Variants in ABTB2 observed in about 807,000 individuals in gnomAD.
ABTB2 encodes ankyrin repeat and BTB/POZ domain-containing protein 2.
A neutral mutation model predicts 104.1 loss-of-function variants in ABTB2; 56 were observed. The ratio of observed to expected loss-of-function variants is 0.54; its 90% CI spans 0.43 to 0.67. ABTB2 has a LOEUF of 0.67. ABTB2 is among the 30% of genes least tolerant of loss of function. The pLI is 0.00. For synonymous variants in ABTB2, 606 were observed against 608.2 expected (o/e 1.00, Z 0.05); for missense variants, 1,279 against 1,407.7 (o/e 0.91, Z 1.46).
At chr11:34,340,218 A>T (rs1855246362) in intron 1 of ABTB2, among the ~76,000 whole-genome samples, 1 of 152,198 alleles carries the variant, frequency 6.6e-6, no homozygotes, top group Non-Finnish European at 1.5e-5. Context: ...GACAGATAAG[A>T]CATTCTCAAG....
intron 2 of ABTB2, among the ~76,000 whole-genome samples, chr11:34,202,802 A>T (rs1392994318): frequency 2.0e-5 from 3 of 152,074 alleles, no homozygotes; most frequent in Non-Finnish European, 4.4e-5. Context: ...TTGTACCACC[A>T]CACTCCAGCC....
intron 1 of ABTB2, among the ~76,000 whole-genome samples, chr11:34,301,814 A>G (rs911395686): frequency 6.6e-6 from 1 of 152,180 alleles, no homozygotes; most frequent in Non-Finnish European, 1.5e-5. Flanking sequence ...GGATGAAACT[A>G]CATCTCTACA....
rs545699866 is a variant in ABTB2 at position 34,174,324 on chromosome 11, C to CAAAA, written c.1245-1021_1245-1018dup. Among the ~76,000 whole-genome samples the CAAAA allele has an allele frequency of 3.1e-4, 36 of 114,878 alleles. 1 individual carries two copies. Among genetic ancestry groups the CAAAA allele is most frequent in the African/African-American group, 1.2e-3 (35 of 29,702 alleles). The allele number at this position is 114,878 out of a possible 152,430, so 75.4% of individuals were successfully genotyped here. On this transcript the variant is annotated intron_variant, in intron 3 of 16. Coordinates refer to ENST00000435224, the MANE Select transcript of ABTB2 (RefSeq NM_145804.3). ...TGGGCGACAGGGCGAGACTCCGTCT[C>CAAAA]AAAAAAAAAAAAAAAAAAAAAAAAA... is the stretch of plus-strand genomic sequence containing the variant.
chr11:34,267,409 G>A (rs1203872085), intron 1 of ABTB2, among the ~76,000 whole-genome samples: 1 of 152,020 alleles, frequency 6.6e-6, no homozygotes, highest in Non-Finnish European at 1.5e-5. Context: ...CCATCCTGAC[G>A]GCATCACTCC....
At chr11:34,330,972 T>A (rs1247591744) in intron 1 of ABTB2, among the ~76,000 whole-genome samples, 1 of 152,204 alleles carries the variant, frequency 6.6e-6, no homozygotes, top group Admixed American at 6.5e-5. Context: ...ATCTGCCTCT[T>A]TATGAATGAG....
In ABTB2 at chr11:34,204,869, G is replaced by A. The variant is rs543838598; in HGVS notation, c.884-179C>T. Among the ~76,000 whole-genome samples, 204 of 152,286 alleles carry A rather than the reference G, an allele frequency of 1.3e-3. 1 individual carries two copies. The highest frequency in any genetic ancestry group is 4.8e-3 in the Admixed American group (74 of 15,300). On this transcript the variant is annotated intron_variant, in intron 1 of 16. Transcript: ENST00000435224. Reference sequence around the variant, plus strand: ...ACTTTGACTGTGGACGGTGCTATAGGGGCCAGAATGAGAAGTAGCTCACTC... The same window carrying A: ...ACTTTGACTGTGGACGGTGCTATAGAGGCCAGAATGAGAAGTAGCTCACTC...
intron 1 of ABTB2, among the ~76,000 whole-genome samples, chr11:34,292,826 G>A (rs4254051): frequency 0.31 from 47,652 of 151,972 alleles, 8,151 homozygotes; most frequent in African/African-American, 0.44. Context: ...CTGGGTGAAG[G>A]TAACAGCAGG....
chr11:34,297,777 A>AT (rs1437302416), intron 1 of ABTB2, among the ~76,000 whole-genome samples: 7 of 81,470 alleles, frequency 8.6e-5, no homozygotes, highest in South Asian at 8.8e-4. Context: ...AAAAAAAAAA[A>AT]AAAAAAATAA....
chr11:34,152,584 T>G lies in ABTB2; in HGVS notation c.2881A>C (p.Ile961Leu). 6.3e-7 allele frequency: 1 copy of G among 1,584,874 alleles called. No homozygotes were observed. The change falls in exon 17 of 17, where the codon ATC (isoleucine) becomes CTC (leucine). Residue 961 changes from isoleucine (I) to leucine (L), a missense_variant and splice_region_variant. Coordinates refer to ENST00000435224, the MANE Select transcript of ABTB2 (RefSeq NM_145804.3). ...SAVNTYKYAK[I>L]HNAPELALFC... The stretch of plus-strand genomic sequence containing the variant: ...AGGGCCAGTTCTGGGGCATTGTGGA[T>G]CTGTAGGGCAGAGAGAGGAGGGGTG...
In ABTB2 at chr11:34,353,269, CCACAGA is replaced by C. The variant is rs532958913; in HGVS notation, c.883+3426_883+3431del. 2.8e-4 allele frequency among the ~76,000 whole-genome samples: 43 copies of C among 152,132 alleles called. 1 individual carries two copies. In the South Asian group the frequency reaches 8.9e-3, roughly 32 times the overall value. ...AAATTGAGGAAGATTTTCTAAAATG[CCACAGA>C]CACTCACAAAAGCTTAGTAAGAAGA... On this transcript the variant is annotated intron_variant, in intron 1 of 16. Transcript: ENST00000435224.
chr11:34,165,270 G>A lies in ABTB2; in HGVS notation c.1842C>T (p.Ala614=). The A allele has an allele frequency of 6.4e-7, 1 of 1,554,962 alleles. No individual in the cohort carries two copies. The highest frequency in any genetic ancestry group is 8.7e-7 in the Non-Finnish European group (1 of 1,149,552). Residue 614 remains alanine, a synonymous_variant, in exon 8 of 17, where the codon GCC becomes GCT. Coordinates refer to ENST00000435224, the MANE Select transcript of ABTB2 (RefSeq NM_145804.3). ...DSYAETPLQL[A]SAAGNYELVS... ...GTAGCAGGTGCCTACCTGCCGCAGA[G>A]GCCAGCTGCAGGGGCGTCTCCGCAT...
intron 1 of ABTB2, among the ~76,000 whole-genome samples, chr11:34,249,040 A>AT (rs1418045264): frequency 1.3e-5 from 2 of 152,236 alleles, no homozygotes. Context: ...GAGGCAAGAG[A>AT]TTCGCTTGAA....
intron 1 of ABTB2, among the ~76,000 whole-genome samples, chr11:34,229,551 A>G (rs547877804): frequency 6.6e-6 from 1 of 152,262 alleles, no homozygotes; most frequent in South Asian, 2.1e-4. Context: ...CTGTGCTAGA[A>G]TGGGTTTCCT....
At position 34,160,995 on chromosome 11, in the gene ABTB2, G is replaced by C; in HGVS notation, c.2305C>G (p.Arg769Gly). ...SRYSVVQSLLRDFSSIREEEY... is the reference protein window; with the variant it reads ...SRYSVVQSLLGDFSSIREEEY... ...TCCTCTCTGATGGAGCTGAAGTCCC[G>C]CAGGAGGCTCTGCACCACCGAGTAC... The change falls in exon 11 of 17, where the codon CGG becomes GGG. Residue 769 changes from arginine (R) to glycine (G), a missense_variant. Arg to Gly is a moderately radical substitution (Grantham distance 125). Coordinates refer to ENST00000435224, the MANE Select transcript of ABTB2 (RefSeq NM_145804.3). The C allele has an allele frequency of 6.2e-7, 1 of 1,613,654 alleles. No homozygotes were observed. The highest frequency in any genetic ancestry group is 8.5e-7 in the Non-Finnish European group (1 of 1,179,894).
intron 3 of ABTB2, among the ~76,000 whole-genome samples, chr11:34,188,835 T>C (rs908461215): frequency 2.0e-5 from 3 of 152,214 alleles, no homozygotes; most frequent in Admixed American, 6.5e-5. Flanking sequence ...GTCCTCTTTA[T>C]GTAAAGTGCT....
At chr11:34,165,664 A>G (rs1852790210) in intron 7 of ABTB2, among the ~76,000 whole-genome samples, 2 of 152,194 alleles carry the variant, frequency 1.3e-5, no homozygotes, top group African/African-American at 2.4e-5. Flanking sequence ...CTGAGAACAC[A>G]TGTGGATGAG....
At chr11:34,341,754 A>G (rs557554425) in intron 1 of ABTB2, among the ~76,000 whole-genome samples, 1 of 152,302 alleles carries the variant, frequency 6.6e-6, no homozygotes, top group African/African-American at 2.4e-5. Context: ...ACAAAAACTC[A>G]TGAGTTCCCA....
intron 1 of ABTB2, among the ~76,000 whole-genome samples, chr11:34,272,728 A>AAAAAAAAAAAAAAAC: frequency 7.5e-6 from 1 of 133,182 alleles, no homozygotes; most frequent in Non-Finnish European, 1.6e-5. Context: ...AAAAAAAAAA[A>AAAAAAAAAAAAAAAC]AAACCAACCA....
At chr11:34,260,699 C>T (rs1854178470) in intron 1 of ABTB2, among the ~76,000 whole-genome samples, 1 of 152,132 alleles carries the variant, frequency 6.6e-6, no homozygotes, top group African/African-American at 2.4e-5. Context: ...CCAATCGGTA[C>T]CCCTCATTTT....
Sources: allele counts gnomAD v4.1 joint callset (sites outside exome capture counted in the v4.1 genomes callset), GRCh38; gene constraint gnomAD v4.1.1; transcripts MANE v1.5; gene names NCBI Gene and HGNC (gene_info 2026-07-23, HGNC 2026-07-21).